The following COL23A1 variants were observed in gnomAD, a reference collection of about 807,000 sequenced individuals.
COL23A1 encodes the protein collagen type XXIII alpha 1 chain.
Under a neutral mutation model 99.3 loss-of-function variants are expected in COL23A1, and 97 were observed. That is an observed-to-expected ratio of 0.98 (90% CI 0.83 to 1.16). COL23A1 has a LOEUF of 1.16. COL23A1 is among the 50% of genes most tolerant of loss of function. COL23A1 has a pLI of 0.00. For synonymous variants in COL23A1, 320 were observed against 308.2 expected (o/e 1.04, Z -0.40); for missense variants, 762 against 757.4 (o/e 1.01, Z -0.07).
chr5:178,242,144 G>T lies in COL23A1; in HGVS notation c.1495-16C>A, dbSNP rs543472032. Reference sequence around the variant, plus strand: ...CTCGTTCTCCCTGTGCAGGAGGGGAGATGGTGGTATTGGTCATGGCTGCCA... The same window carrying T: ...CTCGTTCTCCCTGTGCAGGAGGGGATATGGTGGTATTGGTCATGGCTGCCA... On this transcript the variant is annotated splice_polypyrimidine_tract_variant and intron_variant, in intron 26 of 28. Transcript: ENST00000390654. The T allele has an allele frequency of 5.8e-5, 90 of 1,547,496 alleles. 2 individuals carry two copies. In the South Asian group the frequency reaches 9.2e-4, roughly 16 times the overall value.
At chr5:178,479,947 GCTC>G (rs967725698) in intron 2 of COL23A1, among the ~76,000 whole-genome samples, 13 of 152,262 alleles carry the variant, frequency 8.5e-5, no homozygotes, top group African/African-American at 3.1e-4. Context: ...ACAGCCCACT[GCTC>G]CTGGCTACAA....
At chr5:178,584,581 C>G (rs1763829018) in intron 1 of COL23A1, among the ~76,000 whole-genome samples, 1 of 152,136 alleles carries the variant, frequency 6.6e-6, no homozygotes, top group South Asian at 2.1e-4. Context: ...CCAAAGGCAT[C>G]TAGAAAGGTT....
intron 2 of COL23A1, among the ~76,000 whole-genome samples, chr5:178,473,228 T>C (rs959871424): frequency 3.3e-5 from 5 of 152,122 alleles, no homozygotes; most frequent in African/African-American, 1.2e-4. Flanking sequence ...CTGTATCAGG[T>C]ATTATAAGTA....
chr5:178,585,437 T>TG (rs201358625), intron 1 of COL23A1, among the ~76,000 whole-genome samples: 81 of 136,620 alleles, frequency 5.9e-4, no homozygotes, highest in Middle Eastern at 3.6e-3. Flanking sequence ...TGGTTGACAC[T>TG]GGGGTAACAC....
At chr5:178,558,637 C>A (rs1762401384) in intron 2 of COL23A1, among the ~76,000 whole-genome samples, 1 of 152,116 alleles carries the variant, frequency 6.6e-6, no homozygotes, top group Non-Finnish European at 1.5e-5. Context: ...TGGGGCGTGA[C>A]TCCCAGTTCA....
intron 2 of COL23A1, among the ~76,000 whole-genome samples, chr5:178,355,616 G>T (rs1029275819): frequency 1.3e-5 from 2 of 151,952 alleles, no homozygotes; most frequent in African/African-American, 4.8e-5. Flanking sequence ...CACTGCAACC[G>T]CCGCCTCCTG....
At position 178,239,283 on chromosome 5, in the gene COL23A1, G is replaced by A. The variant is rs1270659168; in HGVS notation, c.1582-104C>T. On this transcript the variant is annotated intron_variant, in intron 27 of 28. Coordinates refer to ENST00000390654, the MANE Select transcript of COL23A1 (RefSeq NM_173465.4). ...GTAGGGAGGTGCAGGCCAGGGAGCG[G>A]CCATGTGAGACTGCTGGGCCCCACT... 7.5e-6 allele frequency: 10 copies of A among 1,327,106 alleles called. No homozygotes were observed. The South Asian group carries it at 1.1e-4, about 14-fold the overall frequency. 82.2% of individuals were successfully genotyped at this position (1,327,106 alleles called of 1,614,324 possible). A position where few individuals can be genotyped will look rare whatever the true frequency, so the allele number is the denominator to read the frequency against.
rs1765237663 is a variant in COL23A1, at chr5:178,255,174, T to C, written c.883-148A>G. ...CACGCATGCCCCTCCCCAGGGTGGA[T>C]GGAGGGAACGGGAGGCAGGCCCTGT... On this transcript the variant is annotated intron_variant, in intron 15 of 28. Transcript: ENST00000390654. This position sits in a 1 kb window ranked among gnomAD's most constrained non-coding sequence, Gnocchi z 4.2. 1 of 675,724 alleles carries C rather than the reference T, an allele frequency of 1.5e-6. No individual in the cohort carries two copies. Among genetic ancestry groups the C allele is most frequent in the East Asian group, 2.7e-5 (1 of 36,410 alleles). The allele number at this position is 675,724 out of a possible 1,614,324, so 41.9% of individuals were successfully genotyped here.
chr5:178,481,509 T>C (rs1757337908), intron 2 of COL23A1, among the ~76,000 whole-genome samples: 1 of 151,862 alleles, frequency 6.6e-6, no homozygotes, highest in African/African-American at 2.4e-5. Flanking sequence ...CTCTGACAAC[T>C]CAATAACAAA....
chr5:178,515,484 G>A (rs1463801310), intron 2 of COL23A1, among the ~76,000 whole-genome samples: 1 of 152,092 alleles, frequency 6.6e-6, no homozygotes, highest in Non-Finnish European at 1.5e-5. Context: ...CCTGGCCCTC[G>A]AGTGCCTGAA....
At chr5:178,523,199 T>TACAC (rs1269636962) in intron 2 of COL23A1, among the ~76,000 whole-genome samples, 15 of 75,978 alleles carry the variant, frequency 2.0e-4, no homozygotes, top group Admixed American at 1.0e-3. Flanking sequence ...TATATATATA[T>TACAC]ATAGAGAGAG....
chr5:178,470,245 C>T (rs1439247925), intron 2 of COL23A1, among the ~76,000 whole-genome samples: 5 of 152,210 alleles, frequency 3.3e-5, no homozygotes, highest in African/African-American at 9.6e-5. Flanking sequence ...GGCCATCCAG[C>T]GTCTGTCCCT....
intron 2 of COL23A1, among the ~76,000 whole-genome samples, chr5:178,519,489 G>A (rs965248037): frequency 2.6e-5 from 4 of 152,248 alleles, no homozygotes; most frequent in Non-Finnish European, 4.4e-5. Flanking sequence ...ACACAATTCT[G>A]ACAGGGACTG....
intron 13 of COL23A1, 101 bp downstream of exon 13, chr5:178,257,422 G>A (rs1262078254): frequency 2.9e-6 from 4 of 1,377,428 alleles, no homozygotes; most frequent in Non-Finnish European, 4.0e-6. Context: ...ACTGGCCTAG[G>A]AACCCGTGGT....
In COL23A1 at chr5:178,589,773, G is replaced by A. The variant is rs1175428219; in HGVS notation, c.294+131C>T. 1.3e-5 allele frequency: 12 copies of A among 913,990 alleles called. No homozygotes were observed. Among genetic ancestry groups the A allele is most frequent in the Non-Finnish European group, 1.6e-5 (11 of 702,452 alleles). The allele number at this position is 913,990 out of a possible 1,614,324, so 56.6% of individuals were successfully genotyped here. On this transcript the variant is annotated intron_variant, in intron 1 of 28. Coordinates refer to ENST00000390654, the MANE Select transcript of COL23A1 (RefSeq NM_173465.4). The surrounding 1 kb of genome is among the most constrained non-coding windows in gnomAD (Gnocchi z 5.4). Reference sequence around the variant, plus strand: ...GCGCAGACGTGCCCATCTCTGGGACGGCCCCGAGCGCACGCAGCCGGCGGG... The same window carrying A: ...GCGCAGACGTGCCCATCTCTGGGACAGCCCCGAGCGCACGCAGCCGGCGGG...
intron 2 of COL23A1, among the ~76,000 whole-genome samples, chr5:178,464,292 G>A (rs760694143): frequency 7.9e-5 from 12 of 152,152 alleles, no homozygotes; most frequent in Non-Finnish European, 1.0e-4. Flanking sequence ...CCTCCTATGC[G>A]TAAAATCGTG....
chr5:178,327,142 G>A (rs1246044174), intron 2 of COL23A1, among the ~76,000 whole-genome samples: 2 of 152,042 alleles, frequency 1.3e-5, no homozygotes, highest in South Asian at 2.1e-4. Flanking sequence ...TTGTTCATTC[G>A]TCTTTCTGAC....
intron 2 of COL23A1, among the ~76,000 whole-genome samples, chr5:178,426,437 G>C (rs1382577820): frequency 6.6e-6 from 1 of 152,182 alleles, no homozygotes; most frequent in Non-Finnish European, 1.5e-5. Context: ...GGAATGCCTG[G>C]GCCACCCTGT....
intron 8 of COL23A1, among the ~76,000 whole-genome samples, chr5:178,266,658 T>G (rs555295536): frequency 1.3e-5 from 2 of 152,322 alleles, no homozygotes; most frequent in Non-Finnish European, 1.5e-5. Flanking sequence ...ACCAGCTTTA[T>G]GTGGCTGGCA....
Sources: allele counts gnomAD v4.1 joint callset (sites outside exome capture counted in the v4.1 genomes callset), GRCh38; gene constraint gnomAD v4.1.1; non-coding constraint Gnocchi (gnomAD v3.1); transcripts MANE v1.5; gene names NCBI Gene and HGNC (gene_info 2026-07-23, HGNC 2026-07-21).